ZFHX3: variants seen among roughly 807,000 people sequenced by gnomAD.
The protein encoded by ZFHX3 is zinc finger homeobox 3.
Under a neutral mutation model 279.1 loss-of-function variants are expected in ZFHX3, and 42 were observed. That is an observed-to-expected ratio of 0.15 (90% CI 0.12 to 0.19). The LOEUF (loss-of-function observed/expected upper bound fraction) is 0.19. Ranked by LOEUF, ZFHX3 falls within the 10% of genes least tolerant of loss-of-function variation. The pLI is 1.00. For missense variants in ZFHX3, 4,981 were observed against 4,754.0 expected, an observed-to-expected ratio of 1.05 and a Z score of -1.40; for synonymous variants, 2,293 against 1,957.8, an observed-to-expected ratio of 1.17 and a Z score of -4.52.
chr16:73,775,381 C>A (rs1048977403), intron 1 of ZFHX3, among the ~76,000 whole-genome samples: 15 of 152,152 alleles, frequency 9.9e-5, no homozygotes, highest in African/African-American at 3.6e-4. Flanking sequence ...CCTTCTGAAT[C>A]TTTTAACCCC....
At chr16:73,106,706 TTC>T (rs1407139274) in intron 7 of ZFHX3, among the ~76,000 whole-genome samples, 1 of 152,212 alleles carries the variant, frequency 6.6e-6, no homozygotes, top group Non-Finnish European at 1.5e-5. Context: ...TGTCTCCAAG[TTC>T]CCATCATTCA....
chr16:73,133,428 G>A (rs1196730465), intron 6 of ZFHX3, among the ~76,000 whole-genome samples: 13 of 151,980 alleles, frequency 8.6e-5, no homozygotes, highest in Non-Finnish European at 1.5e-4. Context: ...AGGCTGAGGC[G>A]GGAGAATTAC....
chr16:73,049,964 C>G (rs1048632420), upstream of ZFHX3, among the ~76,000 whole-genome samples: 1 of 152,134 alleles, frequency 6.6e-6, no homozygotes, highest in African/African-American at 2.4e-5. Flanking sequence ...CCGCAAGCAA[C>G]GTGGCCCACA....
intron 4 of ZFHX3, among the ~76,000 whole-genome samples, chr16:72,879,486 C>T (rs146848344): frequency 2.4e-4 from 36 of 152,264 alleles, no homozygotes; most frequent in Middle Eastern, 3.4e-3. Flanking sequence ...AGTGCAATGG[C>T]GCGGCCTCTG....
intron 3 of ZFHX3, among the ~76,000 whole-genome samples, chr16:73,407,627 T>C (rs1228849275): frequency 1.3e-5 from 2 of 152,126 alleles, no homozygotes; most frequent in Non-Finnish European, 2.9e-5. Flanking sequence ...CCTAGGCTGG[T>C]GTTAGAACCA....
At chr16:73,246,278 T>C (rs992862616) in intron 5 of ZFHX3, among the ~76,000 whole-genome samples, 2 of 151,862 alleles carry the variant, frequency 1.3e-5, no homozygotes, top group Admixed American at 6.6e-5. Flanking sequence ...ATCAGGTGAG[T>C]GCTGGAGACT....
intron 1 of ZFHX3, among the ~76,000 whole-genome samples, chr16:73,008,277 T>C (rs1195319599): frequency 6.6e-6 from 1 of 152,220 alleles, no homozygotes; most frequent in Non-Finnish European, 1.5e-5. Context: ...TTCTCAATAT[T>C]TCCTAATGAT....
intron 2 of ZFHX3, among the ~76,000 whole-genome samples, chr16:73,479,234 C>T (rs1257432101): frequency 6.6e-6 from 1 of 152,060 alleles, no homozygotes; most frequent in South Asian, 2.1e-4. Context: ...GACTGGGGAG[C>T]TGCCATATTT....
intron 1 of ZFHX3, among the ~76,000 whole-genome samples, chr16:73,866,944 T>A (rs772144102): frequency 6.6e-6 from 1 of 152,166 alleles, no homozygotes; most frequent in Non-Finnish European, 1.5e-5. Flanking sequence ...GCCAACTCCC[T>A]TCATGTCCCT....
chr16:73,487,087 G>T (rs2018988999), intron 2 of ZFHX3, among the ~76,000 whole-genome samples: 1 of 152,222 alleles, frequency 6.6e-6, no homozygotes, highest in Non-Finnish European at 1.5e-5. Context: ...GAAGAATAGT[G>T]TTCCTTATGC....
intron 7 of ZFHX3, among the ~76,000 whole-genome samples, chr16:73,121,035 C>T (rs1171129812): frequency 1.3e-5 from 2 of 152,106 alleles, no homozygotes; most frequent in Admixed American, 1.3e-4. Context: ...GCTAGCCATG[C>T]GTGGCTATGG....
intron 1 of ZFHX3, among the ~76,000 whole-genome samples, chr16:73,752,563 A>G (rs1698185295): frequency 6.6e-6 from 1 of 152,056 alleles, no homozygotes; most frequent in African/African-American, 2.4e-5. Context: ...TCCATGTTTC[A>G]TCTTTTGGCA....
chr16:73,058,324 A>C (rs1965611662), intron 1 of ZFHX3, among the ~76,000 whole-genome samples: 1 of 141,592 alleles, frequency 7.1e-6, no homozygotes, highest in Non-Finnish European at 1.5e-5. Flanking sequence ...GGCGAGCGGG[A>C]CGCAGCGAGC....
chr16:72,892,628 C>T (rs2038801504), intron 3 of ZFHX3, among the ~76,000 whole-genome samples: 1 of 151,896 alleles, frequency 6.6e-6, no homozygotes, highest in African/African-American at 2.4e-5. Flanking sequence ...CTGCCTCAGC[C>T]TCTTGAGTAG....
At position 73,352,474 on chromosome 16, in the gene ZFHX3, CTTTTTTT is replaced by C. The variant is rs35974156; in HGVS notation, c.-1290-34145_-1290-34139del. ...CTTTGGTTTCTCTCTCTCTCTCTCT[CTTTTTTT>C]TTTTTTTTTTTTTTTTTTTTGGAGA... On this transcript the variant is annotated intron_variant, in intron 3 of 17. Coordinates refer to the ZFHX3 transcript ENST00000641206. Among the ~76,000 whole-genome samples, 10 of 53,270 alleles carry C rather than the reference CTTTTTTT, an allele frequency of 1.9e-4. No individual in the cohort carries two copies. In the East Asian group the frequency reaches 3.0e-3, roughly 16 times the overall value. The allele number at this position is 53,270 out of a possible 152,430, so 34.9% of individuals were successfully genotyped here. A position where few individuals can be genotyped will look rare whatever the true frequency, so the allele number is the denominator to read the frequency against.
chr16:73,126,318 A>G (rs112661928), intron 7 of ZFHX3, among the ~76,000 whole-genome samples: 5 of 152,190 alleles, frequency 3.3e-5, no homozygotes, highest in African/African-American at 9.7e-5. Flanking sequence ...GATACTGCAG[A>G]GGTCCAAGCA....
chr16:72,784,056 A>G lies in ZFHX3; in HGVS notation c.*3108T>C, dbSNP rs1246030008. 1.3e-5 allele frequency: 2 copies of G among 152,522 alleles called. No homozygotes were observed. Among genetic ancestry groups the G allele is most frequent in the Non-Finnish European group, 2.9e-5 (2 of 68,040 alleles). 9.4% of individuals were successfully genotyped at this position (152,522 alleles called of 1,614,324 possible). A position where few individuals can be genotyped will look rare whatever the true frequency, so the allele number is the denominator to read the frequency against. ...ATGTGGGCGGTTTAGTTGCAGAGGA[A>G]AGCATTAAGGGTGCAACCCACTCCA... On this transcript the variant is annotated 3_prime_UTR_variant, in exon 10 of 10. Coordinates refer to ENST00000268489, the MANE Select transcript of ZFHX3 (RefSeq NM_006885.4).
intron 1 of ZFHX3, among the ~76,000 whole-genome samples, chr16:72,989,698 G>GT (rs1172887086): frequency 6.6e-6 from 1 of 152,200 alleles, no homozygotes; most frequent in Admixed American, 6.5e-5. Flanking sequence ...TGAGTTAGCA[G>GT]TAACAGGAGA....
intron 1 of ZFHX3, among the ~76,000 whole-genome samples, chr16:73,887,861 T>A (rs1042567313): frequency 6.6e-6 from 1 of 151,692 alleles, no homozygotes. Flanking sequence ...TGAATTTTTT[T>A]TAAAAAAACA....
Sources: gnomAD v4.1 joint callset for allele counts (sites outside exome capture counted in the v4.1 genomes callset) on GRCh38, gnomAD v4.1.1 for gene constraint, MANE v1.5 for transcripts, NCBI Gene and HGNC (gene_info 2026-07-23, HGNC 2026-07-21) for gene names.